Variants in CBFA2T2 observed in about 807,000 individuals in gnomAD.
The protein encoded by CBFA2T2 is CBFA2/RUNX1 partner transcriptional co-repressor 2, also known as protein CBFA2T2.
A neutral mutation model predicts 62.2 loss-of-function variants in CBFA2T2; 11 were observed. That is an observed-to-expected ratio of 0.18 (90% CI 0.11 to 0.29). The LOEUF (loss-of-function observed/expected upper bound fraction) is 0.29, where lower values mean the gene tolerates loss of function less well. Ranked by LOEUF, CBFA2T2 falls within the 10% of genes least tolerant of loss-of-function variation. The probability of loss-of-function intolerance (pLI) is 1.00; values close to 1 mark genes in which losing one functional copy is unlikely to be tolerated. For synonymous variants in CBFA2T2, 295 were observed against 287.5 expected (o/e 1.03, Z -0.27); for missense variants, 592 against 774.1 (o/e 0.76, Z 2.79).
chr20:33,611,038 CAA>C (rs764336731), intron 2 of CBFA2T2, 54 bp from the exon 3 acceptor site: 65 of 1,593,668 alleles, frequency 4.1e-5, no homozygotes, highest in Non-Finnish European at 5.1e-5. Flanking sequence ...AAAAAATGAA[CAA>C]AGGTTCCCTT....
intron 1 of CBFA2T2, among the ~76,000 whole-genome samples, chr20:33,555,769 T>C (rs752742769): frequency 3.3e-5 from 5 of 152,248 alleles, no homozygotes; most frequent in Non-Finnish European, 5.9e-5. Context: ...ATAATGTCTT[T>C]TATAGCTCTT....
Position 33,611,254 on chromosome 20 carries a change from T to C in CBFA2T2, c.339T>C (p.Phe113=). The change falls in exon 3 of 11, where the codon TTT becomes TTC. Residue 113 remains phenylalanine (F), a synonymous_variant. Transcript: ENST00000342704. ...GACAACTCAGCAAGTTGAAACGCTT[T>C]CTTACCACTCTGCAACAGTTTGGCA... ...GARQLSKLKR[F]LTTLQQFGND... is the part of the protein sequence containing the mutation. The C allele has an allele frequency of 6.2e-7, 1 of 1,614,194 alleles. No individual in the cohort carries two copies. Among genetic ancestry groups the C allele is most frequent in the Non-Finnish European group, 8.5e-7 (1 of 1,180,026 alleles).
At chr20:33,533,818 T>C (rs1161624569) in intron 1 of CBFA2T2, among the ~76,000 whole-genome samples, 1 of 152,128 alleles carries the variant, frequency 6.6e-6, no homozygotes, top group Non-Finnish European at 1.5e-5. Context: ...CTACTAAAAA[T>C]ACAGCAGTTA....
rs1179709904 is a variant in CBFA2T2 at position 33,549,435 on chromosome 20, G to A, written c.35-57521G>A. On this transcript the variant is annotated intron_variant, in intron 1 of 10. Coordinates refer to ENST00000342704, the MANE Select transcript of CBFA2T2 (RefSeq NM_001032999.3). ...GAATACTACTCAGCAGTAAAAAGGA[G>A]TGAATCTTGATACATGGTACAGCAT... Among the ~76,000 whole-genome samples the A allele has an allele frequency of 3.5e-4, 53 of 152,158 alleles. 1 individual carries two copies. Among genetic ancestry groups the A allele is most frequent in the African/African-American group, 7.2e-5 (3 of 41,446 alleles).
chr20:33,516,211 T>G (rs1375911515), intron 1 of CBFA2T2, among the ~76,000 whole-genome samples: 1 of 152,198 alleles, frequency 6.6e-6, no homozygotes, highest in Non-Finnish European at 1.5e-5. Context: ...GGCTCACACT[T>G]GTAGTCCCAG....
intron 1 of CBFA2T2, among the ~76,000 whole-genome samples, chr20:33,530,705 A>G (rs1298417658): frequency 6.6e-6 from 1 of 151,706 alleles, no homozygotes; most frequent in East Asian, 2.0e-4. Flanking sequence ...GAGCCACTGC[A>G]CCAGCCCACA....
intron 9 of CBFA2T2, among the ~76,000 whole-genome samples, 155 bp downstream of exon 9, chr20:33,636,863 G>A (rs2122378217): frequency 6.6e-6 from 1 of 152,280 alleles, no homozygotes; most frequent in South Asian, 2.1e-4. Context: ...GCTCTGGCTT[G>A]TCCTGCATGT....
rs111479871 is a variant in CBFA2T2 at position 33,634,194 on chromosome 20, C to T, written c.1229-2446C>T. ...ATGTTAGTCAGGTCGGTCTCGAACT[C>T]CTGACCTCGTGATCCACCCGCCTTG... On this transcript the variant is annotated intron_variant, in intron 8 of 10. Transcript: ENST00000342704. Among the ~76,000 whole-genome samples the T allele has an allele frequency of 3.7e-4, 56 of 152,262 alleles. 1 individual carries two copies. The highest frequency in any genetic ancestry group is 1.3e-3 in the African/African-American group (55 of 41,546).
At chr20:33,525,178 C>A (rs1461945075) in intron 1 of CBFA2T2, among the ~76,000 whole-genome samples, 1 of 149,598 alleles carries the variant, frequency 6.7e-6, no homozygotes, top group African/African-American at 2.5e-5. Context: ...ATTCACATAC[C>A]CTACCTCCAT....
At chr20:33,590,248 C>CAAA (rs111328507) in intron 1 of CBFA2T2, among the ~76,000 whole-genome samples, 1 of 103,716 alleles carries the variant, frequency 9.6e-6, no homozygotes. Flanking sequence ...TCTTTTTTTA[C>CAAA]AAAAAAAAAA....
chr20:33,493,898 T>C (rs1310235888), intron 1 of CBFA2T2, among the ~76,000 whole-genome samples: 1 of 152,096 alleles, frequency 6.6e-6, no homozygotes, highest in Non-Finnish European at 1.5e-5. Flanking sequence ...TATGGTTTTT[T>C]TTGAGACGAA....
intron 10 of CBFA2T2, among the ~76,000 whole-genome samples, chr20:33,643,216 TA>T (rs1601125600): frequency 6.6e-6 from 1 of 152,178 alleles, no homozygotes; most frequent in African/African-American, 2.4e-5. Context: ...ACTGGCAGTA[TA>T]CCCTTAAAGG....
chr20:33,564,582 C>CT (rs995528826), intron 1 of CBFA2T2, among the ~76,000 whole-genome samples: 4 of 151,568 alleles, frequency 2.6e-5, no homozygotes, highest in African/African-American at 9.7e-5. Context: ...CTTTTCTTTT[C>CT]TTTCTTTTTT....
intron 1 of CBFA2T2, among the ~76,000 whole-genome samples, chr20:33,556,427 C>T (rs2012899045): frequency 6.6e-6 from 1 of 152,130 alleles, no homozygotes; most frequent in Admixed American, 6.5e-5. Context: ...ATTGGTTAAT[C>T]ATTGTATTAA....
At chr20:33,554,961 TAGAC>T (rs1294718608) in intron 1 of CBFA2T2, among the ~76,000 whole-genome samples, 1 of 152,208 alleles carries the variant, frequency 6.6e-6, no homozygotes, top group African/African-American at 2.4e-5. Flanking sequence ...ATAAAAACTT[TAGAC>T]AGACATTTAG....
intron 1 of CBFA2T2, among the ~76,000 whole-genome samples, chr20:33,531,443 C>G (rs1446941037): frequency 6.6e-6 from 1 of 152,164 alleles, no homozygotes; most frequent in Non-Finnish European, 1.5e-5. Flanking sequence ...TTTTGAAATG[C>G]ATTTTTGTTG....
intron 1 of CBFA2T2, among the ~76,000 whole-genome samples, chr20:33,523,904 G>A (rs758129877): frequency 2.0e-5 from 3 of 151,978 alleles, no homozygotes. Flanking sequence ...GACTGATCTC[G>A]AACTCCTGAC....
At chr20:33,615,556 G>A (rs576419579) in intron 3 of CBFA2T2, among the ~76,000 whole-genome samples, 9 of 152,120 alleles carry the variant, frequency 5.9e-5, no homozygotes, top group Non-Finnish European at 1.2e-4. Context: ...TCAGAGGCAA[G>A]GTAGAAAGAC....
intron 1 of CBFA2T2, among the ~76,000 whole-genome samples, chr20:33,602,437 TAAAA>T (rs199791529): frequency 7.6e-6 from 1 of 132,430 alleles, no homozygotes; most frequent in Admixed American, 7.8e-5. Context: ...AGTCTCTGAT[TAAAA>T]AAAAAAAAAA....
Sources: gnomAD v4.1 joint callset for allele counts (sites outside exome capture counted in the v4.1 genomes callset) on GRCh38, gnomAD v4.1.1 for gene constraint, MANE v1.5 for transcripts, NCBI Gene and HGNC (gene_info 2026-07-23, HGNC 2026-07-21) for gene names.